BICD1: variants seen among roughly 807,000 people sequenced by gnomAD.
BICD1 encodes BICD cargo adaptor 1.
A neutral mutation model predicts 92.5 loss-of-function variants in BICD1; 35 were observed. That is an observed-to-expected ratio of 0.38 (90% CI 0.29 to 0.50). The LOEUF (loss-of-function observed/expected upper bound fraction) is 0.50. Among genes scored for constraint, BICD1 ranks in the 20% least tolerant of loss-of-function variants. The pLI, the probability that BICD1 is intolerant of heterozygous loss-of-function variation, is 0.93. For synonymous variants in BICD1, 429 were observed against 465.1 expected, an observed-to-expected ratio of 0.92 and a Z score of 1.00; for missense variants, 950 against 1,189.8, an observed-to-expected ratio of 0.80 and a Z score of 2.97.
chr12:32,293,142 T>C (rs1947767023), intron 2 of BICD1, among the ~76,000 whole-genome samples: 1 of 152,206 alleles, frequency 6.6e-6, no homozygotes, highest in African/African-American at 2.4e-5. Flanking sequence ...TTTCTGGATA[T>C]TCTTACAAAT....
intron 1 of BICD1, among the ~76,000 whole-genome samples, chr12:32,148,792 G>T (rs995705245): frequency 6.6e-6 from 1 of 152,136 alleles, no homozygotes; most frequent in Non-Finnish European, 1.5e-5. Context: ...GGCTGAGGTG[G>T]GAGAAACACT....
intron 2 of BICD1, among the ~76,000 whole-genome samples, chr12:32,261,071 G>A (rs1271064777): frequency 6.6e-6 from 1 of 152,214 alleles, no homozygotes; most frequent in East Asian, 1.9e-4. Flanking sequence ...TGTTGTACAG[G>A]AAGGAGAGTT....
At chr12:32,287,697 TG>T (rs1947610163) in intron 2 of BICD1, among the ~76,000 whole-genome samples, 1 of 152,048 alleles carries the variant, frequency 6.6e-6, no homozygotes, top group Non-Finnish European at 1.5e-5. Flanking sequence ...CCACCACACC[TG>T]GTTACTTTTT....
At chr12:32,200,745 T>C (rs1470884052) in intron 1 of BICD1, among the ~76,000 whole-genome samples, 2 of 152,226 alleles carry the variant, frequency 1.3e-5, no homozygotes, top group Non-Finnish European at 2.9e-5. Flanking sequence ...TAGGGAATAA[T>C]GTTATTATAA....
intron 2 of BICD1, among the ~76,000 whole-genome samples, chr12:32,229,860 T>G (rs1309502120): frequency 1.3e-5 from 2 of 152,100 alleles, no homozygotes; most frequent in Admixed American, 1.3e-4. Flanking sequence ...AGTGGGAAAT[T>G]TTAATGATGT....
chr12:32,267,501 T>A (rs1947029858), intron 2 of BICD1, among the ~76,000 whole-genome samples: 2 of 152,224 alleles, frequency 1.3e-5, no homozygotes, highest in South Asian at 4.1e-4. Context: ...AGTATATGTG[T>A]GAGAAATATC....
chr12:32,334,704 G>A, intron 6 of BICD1, 37 bp downstream of exon 6: 2 of 1,587,982 alleles, frequency 1.3e-6, no homozygotes, highest in Non-Finnish European at 1.7e-6. Context: ...GGTGTGGTAG[G>A]TGGGGTAAAG....
intron 2 of BICD1, among the ~76,000 whole-genome samples, chr12:32,247,411 G>A (rs1592550756): frequency 6.6e-6 from 1 of 152,040 alleles, no homozygotes; most frequent in African/African-American, 2.4e-5. Context: ...AAGGAATGAC[G>A]AGAATACATC....
At chr12:32,317,114 C>T (rs1204460056) in intron 4 of BICD1, among the ~76,000 whole-genome samples, 5 of 152,182 alleles carry the variant, frequency 3.3e-5, no homozygotes, top group African/African-American at 1.2e-4. Flanking sequence ...CATTGTTGGA[C>T]ATTTGGGTTG....
intron 9 of BICD1, among the ~76,000 whole-genome samples, chr12:32,368,461 G>A (rs1023828664): frequency 1.3e-5 from 2 of 152,228 alleles, no homozygotes; most frequent in African/African-American, 4.8e-5. Flanking sequence ...GTGGAAGGCC[G>A]AGGCAGAGGG....
intron 1 of BICD1, among the ~76,000 whole-genome samples, chr12:32,172,726 TCATC>T (rs1943981996): frequency 6.6e-6 from 1 of 152,190 alleles, no homozygotes; most frequent in Non-Finnish European, 1.5e-5. Context: ...GACAGGTTGT[TCATC>T]CATTCATTTG....
intron 1 of BICD1, among the ~76,000 whole-genome samples, chr12:32,110,107 A>G (rs1941630658): frequency 6.6e-6 from 1 of 152,244 alleles, no homozygotes; most frequent in African/African-American, 2.4e-5. Flanking sequence ...ATTGGACATT[A>G]GTAATTTGCA....
Position 32,225,626 on chromosome 12 carries a change from T to TG in BICD1, c.426+9167_426+9168insG, listed in dbSNP as rs1308619516. Among the ~76,000 whole-genome samples the TG allele has an allele frequency of 7.0e-3, 828 of 117,990 alleles. 47 individuals are homozygous for TG. The highest frequency in any genetic ancestry group is 0.063 in the Admixed American group (744 of 11,892). The allele number at this position is 117,990 out of a possible 152,430, so 77.4% of individuals were successfully genotyped here. On this transcript the variant is annotated intron_variant, in intron 2 of 9. Transcript: ENST00000652176. Reference sequence around the variant, plus strand: ...TTTGACAGTTCTTTTTTTCTGTTTTTTTTTTTTTTTTTTTTAGACGGAGTT... The same window carrying TG: ...TTTGACAGTTCTTTTTTTCTGTTTTTGTTTTTTTTTTTTTTTAGACGGAGTT...
At chr12:32,120,865 A>T (rs929924094) in intron 1 of BICD1, among the ~76,000 whole-genome samples, 6 of 92,334 alleles carry the variant, frequency 6.5e-5, no homozygotes, top group African/African-American at 2.9e-4. Context: ...AAAATCAACC[A>T]TTAGAGAGAG....
intron 2 of BICD1, among the ~76,000 whole-genome samples, chr12:32,245,465 T>C (rs1030667919): frequency 1.3e-5 from 2 of 152,148 alleles, no homozygotes; most frequent in African/African-American, 2.4e-5. Context: ...CAAGTGATTT[T>C]CCTAAAGCAA....
chr12:32,110,430 T>C (rs1941641965), intron 1 of BICD1, among the ~76,000 whole-genome samples: 1 of 152,228 alleles, frequency 6.6e-6, no homozygotes, highest in Non-Finnish European at 1.5e-5. Context: ...GGATGACTTC[T>C]GACATCATCA....
At chr12:32,114,715 A>G (rs1941827362) in intron 1 of BICD1, among the ~76,000 whole-genome samples, 1 of 152,188 alleles carries the variant, frequency 6.6e-6, no homozygotes, top group Non-Finnish European at 1.5e-5. Flanking sequence ...TTGTTATTTT[A>G]TAGAAGCCTA....
intron 1 of BICD1, among the ~76,000 whole-genome samples, chr12:32,188,007 C>T (rs573274283): frequency 1.4e-4 from 22 of 151,852 alleles, no homozygotes; most frequent in African/African-American, 4.8e-4. Flanking sequence ...GGCACGATCT[C>T]GGCTCACTGC....
intron 1 of BICD1, among the ~76,000 whole-genome samples, chr12:32,198,323 C>T (rs148904068): frequency 1.4e-4 from 12 of 87,910 alleles, no homozygotes; most frequent in East Asian, 3.6e-4. Context: ...GAATAATATG[C>T]ATCTATCTAT....
Sources: gnomAD v4.1 joint callset for allele counts (sites outside exome capture counted in the v4.1 genomes callset) on GRCh38, gnomAD v4.1.1 for gene constraint, MANE v1.5 for transcripts, NCBI Gene and HGNC (gene_info 2026-07-23, HGNC 2026-07-21) for gene names.